SHTN1: variants seen among roughly 807,000 people sequenced by gnomAD.
SHTN1 encodes the protein shootin 1.
In SHTN1, 42 loss-of-function variants were observed where a neutral mutation model predicts 83.1. That is an observed-to-expected ratio of 0.51 (90% CI 0.39 to 0.65). The LOEUF is 0.65. SHTN1 is among the 30% of genes least tolerant of loss of function. The pLI is 0.00. For synonymous variants in SHTN1, 224 were observed against 247.7 expected (o/e 0.90, Z 0.90); for missense variants, 622 against 737.8 (o/e 0.84, Z 1.82).
chr10:117,024,348 C>CTTTTTTTTTTTTTTTTTT (rs1174576153), intron 2 of SHTN1, among the ~76,000 whole-genome samples: 1 of 77,710 alleles, frequency 1.3e-5, no homozygotes, highest in Non-Finnish European at 2.4e-5. Flanking sequence ...CAAAACTTTT[C>CTTTTTTTTTTTTTTTTTT]TTTTTTTTTT....
At chr10:117,102,359 A>G (rs1238577845) in intron 1 of SHTN1, among the ~76,000 whole-genome samples, 1 of 152,208 alleles carries the variant, frequency 6.6e-6, no homozygotes, top group Non-Finnish European at 1.5e-5. Flanking sequence ...TAGGTTCTGC[A>G]GAGACTGAGG....
At chr10:116,928,125 T>C (rs1439421629) in intron 10 of SHTN1, among the ~76,000 whole-genome samples, 4 of 152,140 alleles carry the variant, frequency 2.6e-5, no homozygotes, top group Admixed American at 6.6e-5. Flanking sequence ...TTGCTGTATA[T>C]ACAACTTTAG....
rs990323986 is a variant in SHTN1, at chr10:116,917,312, C to CT, written c.1196-1829dup. ...TTTATTCCTGAGAATTTAGAAAATA[C>CT]TTTTTTTTTGAGATGGAGTCTTGCT... On this transcript the variant is annotated intron_variant, in intron 12 of 16. Transcript: ENST00000355371. Among the ~76,000 whole-genome samples, 35 of 151,534 alleles carry CT rather than the reference C, an allele frequency of 2.3e-4. No individual in the cohort carries two copies. The East Asian group carries it at 4.3e-3, about 18-fold the overall frequency.
intron 1 of SHTN1, among the ~76,000 whole-genome samples, chr10:116,985,679 C>T (rs1004917196): frequency 3.9e-5 from 6 of 152,160 alleles, no homozygotes; most frequent in Admixed American, 2.0e-4. Context: ...AAATAGCCAT[C>T]AAATGTAACC....
intron 9 of SHTN1, among the ~76,000 whole-genome samples, chr10:116,939,763 C>T (rs1849300084): frequency 1.3e-5 from 2 of 152,244 alleles, no homozygotes. Flanking sequence ...TAGCAGCTAA[C>T]AGCCTTTCCT....
At chr10:117,058,273 A>G (rs1852853616) in intron 1 of SHTN1, among the ~76,000 whole-genome samples, 1 of 152,182 alleles carries the variant, frequency 6.6e-6, no homozygotes, top group African/African-American at 2.4e-5. Context: ...TGCAAATCAC[A>G]TAACTGGTAA....
At chr10:117,052,401 A>AT (rs1029867276) in intron 1 of SHTN1, among the ~76,000 whole-genome samples, 2 of 152,002 alleles carry the variant, frequency 1.3e-5, no homozygotes, top group Non-Finnish European at 2.9e-5. Flanking sequence ...TTCCAATGGC[A>AT]TTTTTTTGCA....
intron 2 of SHTN1, among the ~76,000 whole-genome samples, chr10:117,026,973 T>G (rs145957605): frequency 6.6e-6 from 1 of 152,328 alleles, no homozygotes; most frequent in Non-Finnish European, 1.5e-5. Context: ...ACAGTCCCAA[T>G]GATGTTGGCT....
intron 1 of SHTN1, among the ~76,000 whole-genome samples, chr10:117,054,285 T>G (rs566711567): frequency 1.3e-5 from 2 of 152,116 alleles, no homozygotes; most frequent in African/African-American, 4.8e-5. Flanking sequence ...TTTATGGCAA[T>G]AAGATACCAA....
chr10:116,970,229 A>G (rs1328506192), intron 2 of SHTN1, among the ~76,000 whole-genome samples: 1 of 152,200 alleles, frequency 6.6e-6, no homozygotes, highest in East Asian at 1.9e-4. Flanking sequence ...ACTTCTATCA[A>G]AATTGAATAC....
intron 2 of SHTN1, among the ~76,000 whole-genome samples, chr10:116,974,523 A>G (rs1024447711): frequency 5.3e-5 from 8 of 152,212 alleles, no homozygotes; most frequent in South Asian, 2.1e-4. Context: ...TTCTTGAAAC[A>G]TAAGTCTTGG....
At chr10:116,945,919 T>G (rs943890360) in intron 7 of SHTN1, among the ~76,000 whole-genome samples, 2 of 152,172 alleles carry the variant, frequency 1.3e-5, no homozygotes, top group African/African-American at 4.8e-5. Context: ...ACCACAGCTA[T>G]GCCTGTCCAC....
At chr10:117,050,337 A>G (rs1222424601) in intron 1 of SHTN1, among the ~76,000 whole-genome samples, 1 of 152,210 alleles carries the variant, frequency 6.6e-6, no homozygotes, top group Non-Finnish European at 1.5e-5. Flanking sequence ...CATTAAAATT[A>G]TAACAGTTTA....
At chr10:116,933,381 T>C (rs913249260) in intron 9 of SHTN1, among the ~76,000 whole-genome samples, 6 of 151,864 alleles carry the variant, frequency 4.0e-5, no homozygotes, top group Admixed American at 2.0e-4. Flanking sequence ...TGTGTTCTCA[T>C]TGTTCAACTC....
At chr10:117,123,368 T>C (rs1327830773) in intron 1 of SHTN1, among the ~76,000 whole-genome samples, 1 of 151,942 alleles carries the variant, frequency 6.6e-6, no homozygotes, top group Non-Finnish European at 1.5e-5. Flanking sequence ...AAGAGACAAC[T>C]TTGAGACAAC....
chr10:117,099,007 T>TACACACACAC, intron 1 of SHTN1, among the ~76,000 whole-genome samples: 1 of 43,090 alleles, frequency 2.3e-5, no homozygotes, highest in Non-Finnish European at 6.9e-5. Flanking sequence ...ATGTGGTATG[T>TACACACACAC]ATACACACAC....
At chr10:117,045,521 TAAG>T (rs1306474472) in intron 2 of SHTN1, among the ~76,000 whole-genome samples, 8 of 151,962 alleles carry the variant, frequency 5.3e-5, no homozygotes, top group African/African-American at 1.9e-4. Flanking sequence ...AGACCTTATT[TAAG>T]AAGAAGTCTT....
chr10:117,001,906 C>T (rs1851834484), intron 1 of SHTN1, among the ~76,000 whole-genome samples: 1 of 152,018 alleles, frequency 6.6e-6, no homozygotes, highest in Non-Finnish European at 1.5e-5. Context: ...TAAGGAAGGA[C>T]CCATATGATG....
intron 2 of SHTN1, among the ~76,000 whole-genome samples, chr10:117,028,542 C>T (rs1049252394): frequency 6.6e-6 from 1 of 152,148 alleles, no homozygotes; most frequent in Non-Finnish European, 1.5e-5. Flanking sequence ...TGAATGATTT[C>T]CTGGGCCAGG....
Sources: gnomAD v4.1 joint callset for allele counts (sites outside exome capture counted in the v4.1 genomes callset) on GRCh38, gnomAD v4.1.1 for gene constraint, MANE v1.5 for transcripts, NCBI Gene and HGNC (gene_info 2026-07-23, HGNC 2026-07-21) for gene names.